USH2A: variants seen among roughly 807,000 people sequenced by gnomAD.
USH2A encodes Usher syndrome 2A (autosomal recessive, mild).
Under a neutral mutation model 538.9 loss-of-function variants are expected in USH2A, and 443 were observed. The observed-to-expected ratio is 0.82, with a 90% CI of 0.76 to 0.89. The LOEUF is 0.89. Ranked by LOEUF, USH2A falls within the 40% of genes least tolerant of loss-of-function variation. The probability of loss-of-function intolerance (pLI) is 0.00; values close to 1 mark genes in which losing one functional copy is unlikely to be tolerated. For missense variants in USH2A, 6,633 were observed against 6,324.8 expected (o/e 1.05, Z -1.65); for synonymous variants, 2,413 against 2,273.5 (o/e 1.06, Z -1.75).
chr1:216,312,691 T>C (rs1293361819), intron 9 of USH2A, among the ~76,000 whole-genome samples: 1 of 152,186 alleles, frequency 6.6e-6, no homozygotes, highest in East Asian at 1.9e-4. Context: ...TTTTTGCATG[T>C]TGTCTACTTT....
intron 30 of USH2A, among the ~76,000 whole-genome samples, chr1:216,050,909 G>A (rs1046500592): frequency 9.2e-5 from 14 of 151,682 alleles, no homozygotes; most frequent in Admixed American, 5.9e-4. Flanking sequence ...CCGGCCGGCC[G>A]ACGCTTTGTA....
intron 30 of USH2A, among the ~76,000 whole-genome samples, chr1:216,064,225 T>A (rs1031129697): frequency 6.6e-5 from 10 of 152,222 alleles, no homozygotes; most frequent in African/African-American, 2.4e-4. Context: ...TATTTTCCAA[T>A]CTGCTTATTC....
At chr1:216,156,295 C>CTTTTTTTTTTTTT (rs35698520) in intron 21 of USH2A, among the ~76,000 whole-genome samples, 9 of 105,524 alleles carry the variant, frequency 8.5e-5, no homozygotes, top group Admixed American at 1.1e-4. Context: ...TTTTTTTTTT[C>CTTTTTTTTTTTTT]TTTTTTTTTT....
intron 3 of USH2A, among the ~76,000 whole-genome samples, chr1:216,416,272 T>A (rs992982157): frequency 6.6e-6 from 1 of 152,070 alleles, no homozygotes; most frequent in African/African-American, 2.4e-5. Flanking sequence ...CATTTTAGAG[T>A]AAATAATTGC....
At chr1:215,694,921 A>G (rs1012968276) in intron 61 of USH2A, among the ~76,000 whole-genome samples, 1 of 152,246 alleles carries the variant, frequency 6.6e-6, no homozygotes, top group Non-Finnish European at 1.5e-5. Flanking sequence ...ACTTAATGAT[A>G]AAACTTTAGC....
intron 32 of USH2A, among the ~76,000 whole-genome samples, chr1:216,035,757 T>C (rs541430953): frequency 6.6e-6 from 1 of 152,308 alleles, no homozygotes; most frequent in South Asian, 2.1e-4. Flanking sequence ...TTCTCTAAAA[T>C]ATTAATTTAC....
chr1:215,813,904 C>A lies in USH2A; in HGVS notation c.9571G>T (p.Val3191Phe). Residue 3191 changes from valine to phenylalanine, a missense_variant and splice_region_variant, in exon 49 of 72, where the codon GTT becomes TTT. Val to Phe is a conservative substitution (Grantham distance 50). Coordinates refer to ENST00000307340, the MANE Select transcript of USH2A (RefSeq NM_206933.4). ...TTATAGAGCACTCCGTTACAACAAA[C>A]CTGAAAGTTTGAAAACAGTTTTAAA... ...GHICYSSEAKVCCNGVLYNPK... is the reference protein window; with the variant it reads ...GHICYSSEAKFCCNGVLYNPK... The A allele has an allele frequency of 6.2e-7, 1 of 1,613,536 alleles. No homozygotes were observed. The highest frequency in any genetic ancestry group is 8.5e-7 in the Non-Finnish European group (1 of 1,179,696).
At chr1:215,646,324 G>T (rs1656851354) in intron 67 of USH2A, among the ~76,000 whole-genome samples, 1 of 149,240 alleles carries the variant, frequency 6.7e-6, no homozygotes, top group Non-Finnish European at 1.5e-5. Flanking sequence ...TTTTCCACTG[G>T]ACTCCATAAA....
chr1:215,907,021 C>T (rs1329277673), intron 38 of USH2A, among the ~76,000 whole-genome samples: 1 of 151,840 alleles, frequency 6.6e-6, no homozygotes. Context: ...TTACCAGTGA[C>T]AGGAAAATAG....
intron 30 of USH2A, among the ~76,000 whole-genome samples, chr1:216,049,421 A>C (rs2030660794): frequency 6.6e-6 from 1 of 152,220 alleles, no homozygotes; most frequent in Admixed American, 6.5e-5. Context: ...TAAGCAAGGC[A>C]GAGACTCCTT....
intron 38 of USH2A, among the ~76,000 whole-genome samples, chr1:215,933,948 G>C (rs752043240): frequency 2.6e-5 from 4 of 151,938 alleles, no homozygotes; most frequent in Non-Finnish European, 5.9e-5. Flanking sequence ...TTCCCGCAAC[G>C]AGTTAAAACA....
At position 215,650,574 on chromosome 1, in the gene USH2A, T is replaced by G. The variant is rs1052380476; in HGVS notation, c.14343+18A>C. The G allele has an allele frequency of 1.9e-6, 3 of 1,613,962 alleles. No homozygotes were observed. In the African/African-American group the frequency reaches 4.0e-5, roughly 22 times the overall value. On this transcript the variant is annotated intron_variant, in intron 65 of 71. Transcript: ENST00000307340. ...TTTAAAAGTCAACCAGTCCTGGATT[T>G]TTAGCTCTGCTGCTCACCACTGTCT...
chr1:215,648,836 G>A (rs1315944349), intron 65 of USH2A, 70 bp from the exon 66 acceptor site: 19 of 1,428,516 alleles, frequency 1.3e-5, no homozygotes, highest in Non-Finnish European at 1.7e-5. Flanking sequence ...TGTTATCCAA[G>A]ATCCCACCTC....
chr1:216,325,460 TATCAGC>T lies in USH2A; in HGVS notation c.982_987del (p.Ala328_Asp329del). ...TCAGGATTCAACCGTGACACTCTAT[TATCAGC>T]TGTGTCTCCTGCATCATTAGGAATG... On this transcript the variant is annotated inframe_deletion, in exon 6 of 72. Coordinates refer to ENST00000307340, the MANE Select transcript of USH2A (RefSeq NM_206933.4). The T allele has an allele frequency of 6.2e-7, 1 of 1,613,908 alleles. No individual in the cohort carries two copies. The highest frequency in any genetic ancestry group is 2.2e-5 in the East Asian group (1 of 44,812).
chr1:215,767,531 A>G (rs1035496798), intron 55 of USH2A, among the ~76,000 whole-genome samples: 2 of 152,172 alleles, frequency 1.3e-5, no homozygotes, highest in African/African-American at 4.8e-5. Context: ...TGGAGAAGAG[A>G]TGGTGCTTAT....
Position 216,075,725 on chromosome 1 carries a change from C to T in USH2A, c.5572+2364G>A, listed in dbSNP as rs552875875. 6.1e-4 allele frequency among the ~76,000 whole-genome samples: 93 copies of T among 152,206 alleles called. 1 individual carries two copies. The highest frequency in any genetic ancestry group is 4.8e-3 in the South Asian group (23 of 4,818). On this transcript the variant is annotated intron_variant, in intron 27 of 71. Transcript: ENST00000307340. Reference sequence around the variant, plus strand: ...GATGTAAGTGATTATCCTCATTGATCATTCTAAGAAGATAAACTCTCATCA... The same window carrying T: ...GATGTAAGTGATTATCCTCATTGATTATTCTAAGAAGATAAACTCTCATCA...
intron 26 of USH2A, 62 bp downstream of exon 26, chr1:216,083,394 T>C: frequency 6.4e-7 from 1 of 1,555,124 alleles, no homozygotes; most frequent in African/African-American, 1.4e-5. Flanking sequence ...AACACATGGT[T>C]TATTTATTTT....
Position 215,766,587 on chromosome 1 carries a change from C to T in USH2A, c.11047+94G>A, listed in dbSNP as rs191689673. ...ATTTTGTACCTATCAACTTTATTGCCTCTTCCTTATTTGTTATGAAGGAGT... is the reference window on the plus strand; with the variant it reads ...ATTTTGTACCTATCAACTTTATTGCTTCTTCCTTATTTGTTATGAAGGAGT... On this transcript the variant is annotated intron_variant, in intron 56 of 71. Coordinates refer to ENST00000307340, the MANE Select transcript of USH2A (RefSeq NM_206933.4). 10 of 1,178,362 alleles carry T rather than the reference C, an allele frequency of 8.5e-6. No individual in the cohort carries two copies. The Admixed American group carries it at 1.2e-4, about 14-fold the overall frequency. The allele number at this position is 1,178,362 out of a possible 1,614,324, so 73.0% of individuals were successfully genotyped here.
chr1:215,836,505 A>ATTAT (rs1663513023), intron 47 of USH2A, among the ~76,000 whole-genome samples: 1 of 16,806 alleles, frequency 6.0e-5, no homozygotes, highest in African/African-American at 2.2e-4. Flanking sequence ...TATAATATAT[A>ATTAT]TTATATATAT....
Sources: gnomAD v4.1 joint callset for allele counts (sites outside exome capture counted in the v4.1 genomes callset) on GRCh38, gnomAD v4.1.1 for gene constraint, MANE v1.5 for transcripts, NCBI Gene and HGNC (gene_info 2026-07-23, HGNC 2026-07-21) for gene names.